The following IL1RAPL1 variants were observed in gnomAD, a reference collection of about 807,000 sequenced individuals.
IL1RAPL1 encodes the protein interleukin-1 receptor accessory protein-like 1.
A neutral mutation model predicts 48.4 loss-of-function variants in IL1RAPL1; 3 were observed. The ratio of observed to expected loss-of-function variants is 0.06; its 90% CI spans 0.03 to 0.16. IL1RAPL1 has a LOEUF of 0.16. IL1RAPL1 is among the 10% of genes least tolerant of loss of function. The pLI is 1.00. For synonymous variants in IL1RAPL1, 185 were observed against 187.7 expected (o/e 0.99, Z 0.12); for missense variants, 349 against 530.6 (o/e 0.66, Z 3.36).
chrX:28,785,629 TC>T (rs1936466219), intron 1 of IL1RAPL1, among the ~76,000 whole-genome samples: 2 of 112,107 alleles, frequency 1.8e-5, no homozygotes, highest in Non-Finnish European at 3.8e-5. Flanking sequence ...CTTCTTCTCT[TC>T]TTTATCTGTA....
chrX:29,438,572 T>C (rs1367146074), intron 5 of IL1RAPL1, among the ~76,000 whole-genome samples: 1 of 110,872 alleles, frequency 9.0e-6, no homozygotes, highest in Non-Finnish European at 1.9e-5. Flanking sequence ...AATGTTGATA[T>C]ACTGTGTTTT....
intron 1 of IL1RAPL1, among the ~76,000 whole-genome samples, chrX:28,658,536 CTTT>C (rs763460152): frequency 9.8e-6 from 1 of 102,028 alleles, no homozygotes; most frequent in African/African-American, 3.5e-5. Context: ...TAGTTTTTGT[CTTT>C]TTTTTTTTTT....
At chrX:29,522,963 G>A (rs372847960) in intron 5 of IL1RAPL1, among the ~76,000 whole-genome samples, 23 of 110,233 alleles carry the variant, frequency 2.1e-4, no homozygotes, top group East Asian at 1.4e-3. Flanking sequence ...TTTAGTTTAT[G>A]CTATAGGTCC....
chrX:28,653,034 T>G (rs1418260567), intron 1 of IL1RAPL1, among the ~76,000 whole-genome samples: 1 of 112,194 alleles, frequency 8.9e-6, no homozygotes, highest in African/African-American at 3.2e-5. Flanking sequence ...TTTTCACTTG[T>G]GCGAACCTCA....
At chrX:28,709,582 A>G (rs908624211) in intron 1 of IL1RAPL1, among the ~76,000 whole-genome samples, 7 of 111,018 alleles carry the variant, frequency 6.3e-5, no homozygotes, top group Non-Finnish European at 9.4e-5. Context: ...TGAAAAGAGA[A>G]TGGGGTGGGG....
chrX:28,633,937 T>C (rs1160560625), intron 1 of IL1RAPL1, among the ~76,000 whole-genome samples: 1 of 111,802 alleles, frequency 8.9e-6, no homozygotes, highest in East Asian at 2.8e-4. Context: ...CAATAGCTGA[T>C]AAAAAAGTTC....
intron 2 of IL1RAPL1, among the ~76,000 whole-genome samples, chrX:29,146,397 C>T (rs1374645920): frequency 9.0e-6 from 1 of 111,299 alleles, no homozygotes; most frequent in Non-Finnish European, 1.9e-5. Flanking sequence ...AAACTTACCT[C>T]CATTCCTTGC....
chrX:28,707,471 G>C (rs181133934), intron 1 of IL1RAPL1, among the ~76,000 whole-genome samples: 3,169 of 112,013 alleles, frequency 0.028, 115 homozygotes, highest in African/African-American at 0.098. Context: ...TCAACCATAT[G>C]ATTGCCACAT....
chrX:29,730,912 T>A (rs911961644), intron 6 of IL1RAPL1, among the ~76,000 whole-genome samples: 13 of 112,230 alleles, frequency 1.2e-4, no homozygotes, highest in African/African-American at 3.9e-4. Context: ...TCTGCAATAA[T>A]GTATTTAGAT....
intron 2 of IL1RAPL1, among the ~76,000 whole-genome samples, chrX:28,868,615 C>T (rs984238249): frequency 9.0e-6 from 1 of 111,425 alleles, no homozygotes; most frequent in Non-Finnish European, 1.9e-5. Flanking sequence ...GGTTCCTTGT[C>T]CCTCAGCAGG....
At chrX:28,910,229 A>C (rs947677729) in intron 2 of IL1RAPL1, among the ~76,000 whole-genome samples, 3 of 110,770 alleles carry the variant, frequency 2.7e-5, no homozygotes, top group Non-Finnish European at 5.7e-5. Context: ...ACTTCAAGGG[A>C]TTTTCTTTAT....
At chrX:28,672,715 C>T (rs766842109) in intron 1 of IL1RAPL1, among the ~76,000 whole-genome samples, 2 of 111,658 alleles carry the variant, frequency 1.8e-5, no homozygotes, top group South Asian at 7.5e-4. Flanking sequence ...CCATTATTTC[C>T]AGGGTCCTGC....
intron 6 of IL1RAPL1, among the ~76,000 whole-genome samples, chrX:29,909,601 T>A (rs182695260): frequency 8.9e-6 from 1 of 111,760 alleles, no homozygotes; most frequent in Non-Finnish European, 1.9e-5. Flanking sequence ...GAAATATCTC[T>A]ACAATAAAAA....
intron 6 of IL1RAPL1, among the ~76,000 whole-genome samples, chrX:29,798,663 A>G (rs1201814304): frequency 8.9e-6 from 1 of 112,038 alleles, no homozygotes; most frequent in Non-Finnish European, 1.9e-5. Flanking sequence ...TTTAAACCAT[A>G]AAGCCTAATT....
chrX:29,516,975 A>T (rs1247629779), intron 5 of IL1RAPL1, among the ~76,000 whole-genome samples: 1 of 111,765 alleles, frequency 8.9e-6, no homozygotes, highest in Non-Finnish European at 1.9e-5. Context: ...AAGCTTATTG[A>T]TTCAAAAGAG....
In IL1RAPL1 at chrX:29,064,881, G is replaced by A. The variant is rs778526409; in HGVS notation, c.83-218057G>A. Among the ~76,000 whole-genome samples, 9 of 111,813 alleles carry A rather than the reference G, an allele frequency of 8.0e-5. No homozygotes were observed. The East Asian group carries it at 1.4e-3, about 17-fold the overall frequency. ...CAGGCGTGAGCCATTGCGCCCGGCC[G>A]AGAACAAATAAATATTTATAGAGTT... On this transcript the variant is annotated intron_variant, in intron 2 of 10. Coordinates refer to ENST00000378993, the MANE Select transcript of IL1RAPL1 (RefSeq NM_014271.4).
chrX:29,553,034 G>T (rs1020303213), intron 5 of IL1RAPL1, among the ~76,000 whole-genome samples: 2 of 109,851 alleles, frequency 1.8e-5, no homozygotes, highest in Admixed American at 1.9e-4. Flanking sequence ...TTTTCCTATA[G>T]CCATCAACAC....
intron 1 of IL1RAPL1, among the ~76,000 whole-genome samples, chrX:28,747,803 G>C (rs780304138): frequency 2.7e-5 from 3 of 111,203 alleles, no homozygotes; most frequent in South Asian, 7.5e-4. Context: ...TTATACATTG[G>C]AACTTGGTAT....
intron 6 of IL1RAPL1, among the ~76,000 whole-genome samples, chrX:29,668,813 C>T (rs1007913080): frequency 3.6e-5 from 4 of 111,263 alleles, no homozygotes; most frequent in Admixed American, 2.9e-4. Context: ...TTCAAACAGA[C>T]ACTATGGAAC....
Sources: gnomAD v4.1 joint callset for allele counts (sites outside exome capture counted in the v4.1 genomes callset) on GRCh38, gnomAD v4.1.1 for gene constraint, MANE v1.5 for transcripts, NCBI Gene and HGNC (gene_info 2026-07-23, HGNC 2026-07-21) for gene names.